The following WDFY4 variants were observed in gnomAD, a reference collection of about 807,000 sequenced individuals.
The protein encoded by WDFY4 is WDFY family member 4, also known as WD repeat- and FYVE domain-containing protein 4.
In WDFY4, 169 loss-of-function variants were observed where a neutral mutation model predicts 351.9. The observed-to-expected ratio is 0.48, with a 90% CI of 0.42 to 0.55. The LOEUF (loss-of-function observed/expected upper bound fraction) is 0.55. Ranked by LOEUF, WDFY4 falls within the 20% of genes least tolerant of loss-of-function variation. The probability of loss-of-function intolerance (pLI) is 0.00; values close to 1 mark genes in which losing one functional copy is unlikely to be tolerated. For missense variants in WDFY4, 3,803 were observed against 3,935.6 expected (o/e 0.97, Z 0.90); for synonymous variants, 1,622 against 1,574.6 (o/e 1.03, Z -0.71).
chr10:48,805,261 GA>G lies in WDFY4; in HGVS notation c.4488del (p.Gly1497AspfsTer42). On this transcript the variant is annotated frameshift_variant and splice_region_variant, in exon 26 of 62. Transcript: ENST00000325239. LOFTEE classifies it high-confidence loss of function. ...CTGTCTCTCTCCTGTACTCACCAGG[GA>G]AGGACCCAGGAATGCTGAAGCTGCC... ...HLLEILQSPR[E>X]GPRNAEAAHQ... 1 of 1,542,746 alleles carries G rather than the reference GA, an allele frequency of 6.5e-7. No individual in the cohort carries two copies.
At chr10:48,890,854 T>C in intron 44 of WDFY4, 127 bp downstream of exon 44, 2 of 1,355,790 alleles carry the variant, frequency 1.5e-6, no homozygotes, top group Non-Finnish European at 1.0e-6. Flanking sequence ...AACTGAGCCA[T>C]GAGATAAAAC....
intron 1 of WDFY4, among the ~76,000 whole-genome samples, chr10:48,688,501 C>T (rs1289763480): frequency 6.6e-6 from 1 of 152,122 alleles, no homozygotes; most frequent in Non-Finnish European, 1.5e-5. Flanking sequence ...TTCTTTATAG[C>T]AGTAGTGCAT....
intron 53 of WDFY4, among the ~76,000 whole-genome samples, chr10:48,961,901 C>G (rs1841876658): frequency 6.6e-6 from 1 of 152,108 alleles, no homozygotes; most frequent in Non-Finnish European, 1.5e-5. Flanking sequence ...AGACACCAGC[C>G]CAACGTCCTG....
intron 39 of WDFY4, among the ~76,000 whole-genome samples, chr10:48,841,795 G>T (rs1475880547): frequency 6.6e-6 from 1 of 152,182 alleles, no homozygotes; most frequent in Non-Finnish European, 1.5e-5. Context: ...TAGATTAGGG[G>T]TCTTCCTGAA....
intron 38 of WDFY4, among the ~76,000 whole-genome samples, chr10:48,831,184 C>G (rs1361697830): frequency 6.6e-6 from 1 of 152,190 alleles, no homozygotes; most frequent in Admixed American, 6.5e-5. Context: ...ACTTGAGGTT[C>G]TAGGTCCTAC....
In WDFY4 at chr10:48,737,318, C is replaced by T. The variant is rs566721887; in HGVS notation, c.1878+1248C>T. Among the ~76,000 whole-genome samples, 115 of 151,934 alleles carry T rather than the reference C, an allele frequency of 7.6e-4. No homozygotes were observed. The South Asian group carries it at 0.01, about 14-fold the overall frequency. ...GGCCACCGTGCCTGGCCAACACGCT[C>T]ATGTTTCATTAACATGATATATTTG... On this transcript the variant is annotated intron_variant, in intron 11 of 61. Coordinates refer to ENST00000325239, the MANE Select transcript of WDFY4 (RefSeq NM_001394531.1).
chr10:48,883,034 A>T (rs769200971), intron 43 of WDFY4, among the ~76,000 whole-genome samples: 4 of 152,184 alleles, frequency 2.6e-5, no homozygotes, highest in Non-Finnish European at 4.4e-5. Context: ...ACTGTGTTGG[A>T]CAAGTTACAT....
intron 35 of WDFY4, among the ~76,000 whole-genome samples, chr10:48,826,069 G>C (rs80071646): frequency 6.6e-6 from 1 of 152,126 alleles, no homozygotes; most frequent in African/African-American, 2.4e-5. Context: ...GATTTTCTTC[G>C]AGAGGTTTTA....
At chr10:48,948,170 G>A (rs146802814) in intron 51 of WDFY4, among the ~76,000 whole-genome samples, 4 of 152,156 alleles carry the variant, frequency 2.6e-5, no homozygotes, top group Non-Finnish European at 4.4e-5. Flanking sequence ...ATTACTTGGC[G>A]CAGCCTTCTC....
intron 44 of WDFY4, among the ~76,000 whole-genome samples, chr10:48,897,235 G>A (rs759305196): frequency 1.3e-5 from 2 of 152,178 alleles, no homozygotes; most frequent in East Asian, 1.9e-4. Flanking sequence ...CAGCTTTCAC[G>A]TGTCAGCGGC....
intron 47 of WDFY4, among the ~76,000 whole-genome samples, chr10:48,924,002 G>A (rs993285528): frequency 1.3e-5 from 2 of 152,218 alleles, no homozygotes; most frequent in African/African-American, 2.4e-5. Context: ...ATGGTGATGA[G>A]GAAGCAGCAC....
chr10:48,742,314 C>T (rs1374547863), intron 11 of WDFY4, among the ~76,000 whole-genome samples: 1 of 152,212 alleles, frequency 6.6e-6, no homozygotes, highest in Non-Finnish European at 1.5e-5. Flanking sequence ...GGTTTCTCTT[C>T]TCTTTCTGAC....
chr10:48,920,481 C>T (rs930526940), intron 47 of WDFY4, among the ~76,000 whole-genome samples: 2 of 151,714 alleles, frequency 1.3e-5, no homozygotes, highest in African/African-American at 2.4e-5. Context: ...CTAACCTGCA[C>T]GTTGTGCACA....
intron 12 of WDFY4, among the ~76,000 whole-genome samples, chr10:48,754,019 TG>T (rs1168455304): frequency 1.3e-5 from 2 of 151,926 alleles, no homozygotes; most frequent in Non-Finnish European, 2.9e-5. Flanking sequence ...TCAAATCAGA[TG>T]ATCATCTGTT....
intron 13 of WDFY4, among the ~76,000 whole-genome samples, chr10:48,774,166 C>A (rs116098724): frequency 6.6e-6 from 1 of 152,236 alleles, no homozygotes; most frequent in Admixed American, 6.5e-5. Context: ...AAGAGGCAGA[C>A]GCAGCCTCCT....
At chr10:48,903,341 A>G (rs1050892231) in intron 47 of WDFY4, among the ~76,000 whole-genome samples, 2 of 152,210 alleles carry the variant, frequency 1.3e-5, no homozygotes, top group African/African-American at 2.4e-5. Flanking sequence ...GTGAACTGAC[A>G]TATTAATAAG....
At chr10:48,697,542 G>A (rs576674701) in intron 1 of WDFY4, among the ~76,000 whole-genome samples, 18 of 152,348 alleles carry the variant, frequency 1.2e-4, no homozygotes, top group African/African-American at 4.3e-4. Flanking sequence ...CATCTGATGT[G>A]CAGGTGTGCA....
chr10:48,705,305 A>T (rs1016852430), intron 1 of WDFY4, among the ~76,000 whole-genome samples: 6 of 152,340 alleles, frequency 3.9e-5, no homozygotes, highest in Admixed American at 1.3e-4. Flanking sequence ...AAACTGTTGC[A>T]TAAAATTATC....
chr10:48,922,511 CAGTA>C (rs1049453402), intron 47 of WDFY4, among the ~76,000 whole-genome samples: 3 of 152,198 alleles, frequency 2.0e-5, no homozygotes, highest in African/African-American at 7.2e-5. Flanking sequence ...AAGTTGAGAA[CAGTA>C]AATTGTTGAA....
Sources: allele counts gnomAD v4.1 joint callset (sites outside exome capture counted in the v4.1 genomes callset), GRCh38; gene constraint gnomAD v4.1.1; transcripts MANE v1.5; gene names NCBI Gene and HGNC (gene_info 2026-07-23, HGNC 2026-07-21).